The following HACD4 variants were observed in gnomAD, a reference collection of about 807,000 sequenced individuals.
The protein encoded by HACD4 is very-long-chain (3R)-3-hydroxyacyl-CoA dehydratase 4.
A neutral mutation model predicts 33.3 loss-of-function variants in HACD4; 35 were observed. That is an observed-to-expected ratio of 1.05 (90% CI 0.80 to 1.39). The LOEUF is 1.39. Ranked by LOEUF, HACD4 falls within the 40% of genes most tolerant of loss-of-function variation. The pLI is 0.00. For missense variants in HACD4, 323 were observed against 276.5 expected, an observed-to-expected ratio of 1.17 and a Z score of -1.19; for synonymous variants, 118 against 98.0, an observed-to-expected ratio of 1.20 and a Z score of -1.21.
intron 3 of HACD4, among the ~76,000 whole-genome samples, chr9:21,022,319 A>G (rs989080159): frequency 1.3e-5 from 2 of 152,230 alleles, no homozygotes; most frequent in African/African-American, 4.8e-5. Flanking sequence ...GGCATGGGCA[A>G]GGACTTCATG....
intron 4 of HACD4, among the ~76,000 whole-genome samples, chr9:21,013,684 T>G (rs1842491217): frequency 6.6e-6 from 1 of 152,228 alleles, no homozygotes; most frequent in African/African-American, 2.4e-5. Flanking sequence ...AACAATGCTT[T>G]TTCAACAATG....
chr9:21,019,012 A>T (rs1817831370), intron 3 of HACD4, among the ~76,000 whole-genome samples: 1 of 152,156 alleles, frequency 6.6e-6, no homozygotes, highest in Non-Finnish European at 1.5e-5. Context: ...CTAAAATGAA[A>T]ATCTAAACTC....
intron 3 of HACD4, among the ~76,000 whole-genome samples, chr9:21,024,141 G>A (rs772394463): frequency 1.1e-4 from 16 of 152,230 alleles, no homozygotes; most frequent in Non-Finnish European, 1.8e-4. Flanking sequence ...GAAACTTTGG[G>A]CACAAAGGCA....
intron 5 of HACD4, among the ~76,000 whole-genome samples, chr9:21,008,378 T>C (rs2275882): frequency 0.51 from 76,766 of 152,002 alleles, 20,067 homozygotes; most frequent in East Asian, 0.76. Context: ...TATACCTTAT[T>C]GTGCCTACAG....
Position 21,008,030 on chromosome 9 carries a change from G to C in HACD4, c.607C>G (p.Leu203Val). Reference protein sequence around the residue: ...PYVLKIYLMMLFIGMYFTYSH... With the variant: ...PYVLKIYLMMVFIGMYFTYSH... ...CAAAAAAGCCACTTACCTATAAAGA[G>C]CATCATGAGATATATTTTCAGCACA... Residue 203 changes from leucine to valine, a missense_variant, in exon 6 of 7, where the codon CTC (leucine) becomes GTC (valine). Coordinates refer to ENST00000495827, the MANE Select transcript of HACD4 (RefSeq NM_001010915.5). 1 of 1,599,364 alleles carries C rather than the reference G, an allele frequency of 6.3e-7. No individual in the cohort carries two copies. Among genetic ancestry groups the C allele is most frequent in the Non-Finnish European group, 8.5e-7 (1 of 1,173,908 alleles).
chr9:21,003,487 TATAA>T lies in HACD4; in HGVS notation c.*3546_*3549del, dbSNP rs1842199490. On this transcript the variant is annotated 3_prime_UTR_variant, in exon 7 of 7. Transcript: ENST00000495827. Reference sequence around the variant, plus strand: ...ATTTTTCTGAAATTTAGAAGATAACTATAAAAGCAGAAAAAATGTAGCTTTTTAA... The same window carrying T: ...ATTTTTCTGAAATTTAGAAGATAACTAAGCAGAAAAAATGTAGCTTTTTAA... 1 of 152,094 alleles carries T rather than the reference TATAA, an allele frequency of 6.6e-6. No homozygotes were observed. Among genetic ancestry groups the T allele is most frequent in the African/African-American group, 2.4e-5 (1 of 41,456 alleles). 9.4% of individuals were successfully genotyped at this position (152,094 alleles called of 1,614,324 possible).
chr9:21,013,808 T>A (rs1367875896), intron 4 of HACD4, among the ~76,000 whole-genome samples: 1 of 152,228 alleles, frequency 6.6e-6, no homozygotes, highest in East Asian at 1.9e-4. Context: ...ATTGCAAATA[T>A]ATAAAAATAA....
At chr9:21,017,280 A>G (rs1398343964) in intron 3 of HACD4, among the ~76,000 whole-genome samples, 2 of 152,160 alleles carry the variant, frequency 1.3e-5, no homozygotes, top group South Asian at 2.1e-4. Flanking sequence ...TGTATAAGCT[A>G]TATCAGCATG....
chr9:21,030,217 G>C (rs1391666195), intron 1 of HACD4, among the ~76,000 whole-genome samples: 1 of 150,476 alleles, frequency 6.6e-6, no homozygotes, highest in Non-Finnish European at 1.5e-5. Flanking sequence ...AAGGCGGGTT[G>C]GATCACTTGA....
chr9:21,008,103 G>A lies in HACD4; in HGVS notation c.534C>T (p.Gly178=). ...YQSLPYFESF[G]TYSTKLPFDL... ...CAAAGGGCAGCTTGGTGGAATAAGT[G>A]CCAAATGATTCAAAATAAGGCAGCG... The change falls in exon 6 of 7, where the codon GGC becomes GGT. Residue 178 remains glycine, a synonymous_variant. Coordinates refer to ENST00000495827, the MANE Select transcript of HACD4 (RefSeq NM_001010915.5). The A allele has an allele frequency of 6.2e-7, 1 of 1,610,236 alleles. No homozygotes were observed.
chr9:21,013,525 C>A (rs1368116030), intron 4 of HACD4, among the ~76,000 whole-genome samples: 1 of 152,168 alleles, frequency 6.6e-6, no homozygotes, highest in African/African-American at 2.4e-5. Context: ...GGGTCAGCTT[C>A]TCAATTTCTG....
At chr9:21,026,948 G>C (rs1158756003) in intron 2 of HACD4, among the ~76,000 whole-genome samples, 5 of 152,060 alleles carry the variant, frequency 3.3e-5, no homozygotes, top group Non-Finnish European at 7.4e-5. Flanking sequence ...AAAAGAAATC[G>C]AAACTTGAGA....
At chr9:21,022,506 C>A (rs1254746347) in intron 3 of HACD4, among the ~76,000 whole-genome samples, 2 of 151,718 alleles carry the variant, frequency 1.3e-5, no homozygotes. Flanking sequence ...CCAGAATCTA[C>A]AAAGAACAAA....
intron 5 of HACD4, among the ~76,000 whole-genome samples, chr9:21,010,205 T>G (rs1174514017): frequency 6.6e-6 from 1 of 152,202 alleles, no homozygotes; most frequent in Admixed American, 6.5e-5. Flanking sequence ...TTTTGAAAAC[T>G]TTAATCATGT....
chr9:21,023,138 T>C (rs1195734236), intron 3 of HACD4, among the ~76,000 whole-genome samples: 1 of 146,050 alleles, frequency 6.8e-6, no homozygotes, highest in African/African-American at 2.6e-5. Context: ...AAACACCACA[T>C]GTTCTCCCTC....
At position 21,019,887 on chromosome 9, in the gene HACD4, G is replaced by A. The variant is rs184371774; in HGVS notation, c.271-3877C>T. ...AAGTCAGATTATTTAGTCTAGCAATGCAAATAAGCACCTGCTTCATGGCTA... is the reference window on the plus strand; with the variant it reads ...AAGTCAGATTATTTAGTCTAGCAATACAAATAAGCACCTGCTTCATGGCTA... On this transcript the variant is annotated intron_variant, in intron 3 of 6. Coordinates refer to ENST00000495827, the MANE Select transcript of HACD4 (RefSeq NM_001010915.5). Among the ~76,000 whole-genome samples, 5 of 152,094 alleles carry A rather than the reference G, an allele frequency of 3.3e-5. No individual in the cohort carries two copies. In the East Asian group the frequency reaches 7.7e-4, roughly 24 times the overall value.
rs1371621837 is a variant in HACD4 at position 21,005,412 on chromosome 9, G to C, written c.*1625C>G. On this transcript the variant is annotated 3_prime_UTR_variant, in exon 7 of 7. Coordinates refer to ENST00000495827, the MANE Select transcript of HACD4 (RefSeq NM_001010915.5). This position sits in a 1 kb window ranked among gnomAD's most constrained non-coding sequence, Gnocchi z 4.0. The stretch of plus-strand genomic sequence containing the variant: ...GTGTAGCAGACAAGTCATCCAATTA[G>C]ATTTATGTGGGTGTGAACCACAGAC... The C allele has an allele frequency of 6.6e-6, 1 of 152,292 alleles. No individual in the cohort carries two copies. Among genetic ancestry groups the C allele is most frequent in the Middle Eastern group, 3.4e-3 (1 of 292 alleles). 9.4% of individuals were successfully genotyped at this position (152,292 alleles called of 1,614,324 possible).
chr9:21,007,475 A>G (rs2132766134), intron 6 of HACD4, among the ~76,000 whole-genome samples: 1 of 152,340 alleles, frequency 6.6e-6, no homozygotes, highest in African/African-American at 2.4e-5. Context: ...TGTGAAGGTT[A>G]GAGCTGGGAA....
chr9:21,030,639 T>A (rs1818187581), intron 1 of HACD4, among the ~76,000 whole-genome samples: 1 of 152,194 alleles, frequency 6.6e-6, no homozygotes, highest in South Asian at 2.1e-4. Context: ...TGGACACACC[T>A]GACTTTTGAA....
Sources: allele counts gnomAD v4.1 joint callset (sites outside exome capture counted in the v4.1 genomes callset), GRCh38; gene constraint gnomAD v4.1.1; non-coding constraint Gnocchi (gnomAD v3.1); transcripts MANE v1.5; gene names NCBI Gene and HGNC (gene_info 2026-07-23, HGNC 2026-07-21).